The following KLHDC7B variants were observed in gnomAD, a reference collection of about 807,000 sequenced individuals.
The protein encoded by KLHDC7B is kelch domain containing 7B, also known as kelch domain-containing protein 7B.
A neutral mutation model predicts 0.6 loss-of-function variants in KLHDC7B; 1 was observed. That is an observed-to-expected ratio of 1.71 (90% CI 0.61 to 8.11). The LOEUF is 8.11. KLHDC7B is among the 30% of genes most tolerant of loss of function. The pLI, the probability that KLHDC7B is intolerant of heterozygous loss-of-function variation, is 0.13. For synonymous variants in KLHDC7B, 462 were observed against 405.2 expected, an observed-to-expected ratio of 1.14 and a Z score of -1.68; for missense variants, 993 against 894.9, an observed-to-expected ratio of 1.11 and a Z score of -1.40.
chr22:50,548,647 G>C lies in KLHDC7B; in HGVS notation c.2404G>C (p.Glu802Gln). The C allele has an allele frequency of 2.6e-6, 4 of 1,533,320 alleles. No individual in the cohort carries two copies. The highest frequency in any genetic ancestry group is 3.5e-6 in the Non-Finnish European group (4 of 1,139,874). 95.0% of individuals were successfully genotyped at this position (1,533,320 alleles called of 1,614,324 possible). Residue 802 changes from glutamate (E) to glutamine (Q), a missense_variant, in exon 1 of 1, where the codon GAG (glutamate) becomes CAG (glutamine). Glu to Gln is a conservative substitution (Grantham distance 29). Transcript: ENST00000648057. The surrounding 1 kb of genome is among the most constrained non-coding windows in gnomAD (Gnocchi z 5.3). ...SGDPQGEAPG[E>Q]GGSPAGRSGA... Reference sequence around the variant, plus strand: ...GGACCCTCAAGGGGAGGCGCCGGGGGAGGGGGGCAGCCCTGCCGGCCGCAG... The same window carrying C: ...GGACCCTCAAGGGGAGGCGCCGGGGCAGGGGGGCAGCCCTGCCGGCCGCAG...
rs1373321627 is a variant in KLHDC7B at position 50,546,192 on chromosome 22, G to A, written c.-52G>A. On this transcript the variant is annotated 5_prime_UTR_variant, in exon 1 of 1. Transcript: ENST00000648057. ...CCGGTGCCTCAGCCCAGGCCTCTGT[G>A]CTCTGCATGCACTGCCAGCCTGCCA... Among the ~76,000 whole-genome samples, 1 of 152,216 alleles carries A rather than the reference G, an allele frequency of 6.6e-6. No individual in the cohort carries two copies. Among genetic ancestry groups the A allele is most frequent in the Non-Finnish European group, 1.5e-5 (1 of 68,028 alleles).
chr22:50,548,045 C>G lies in KLHDC7B; in HGVS notation c.1802C>G (p.Pro601Arg), dbSNP rs1471747624. 2.0e-6 allele frequency: 2 copies of G among 1,018,382 alleles called. No individual in the cohort carries two copies. Among genetic ancestry groups the G allele is most frequent in the South Asian group, 4.9e-5 (2 of 40,408 alleles). 63.1% of individuals were successfully genotyped at this position (1,018,382 alleles called of 1,614,324 possible). A position where few individuals can be genotyped will look rare whatever the true frequency, so the allele number is the denominator to read the frequency against. Residue 601 changes from proline (P) to arginine (R), a missense_variant, in exon 1 of 1, where the codon CCA (proline) becomes CGA (arginine). By Grantham distance (103) the Pro-to-Arg change is moderately radical. Transcript: ENST00000648057. This position sits in a 1 kb window ranked among gnomAD's most constrained non-coding sequence, Gnocchi z 5.3. ...CCTGCCCCAGCCCCCACCTCAGCCC[C>G]AACCCCAACCCCAGCCGCATCCCCT... ...ASPAPAPTSA[P>R]TPTPAASPAP...
At position 50,547,409 on chromosome 22, in the gene KLHDC7B, T is replaced by C. The variant is rs1203964377; in HGVS notation, c.1166T>C (p.Leu389Pro). ...CGAGATAACAGTCCTGCCGCTGACC[T>C]GGGGCCCACCCGGCCCCCGGAGCAA... ...SSRDNSPAADLGPTRPPEQAK... is the reference protein window; with the variant it reads ...SSRDNSPAADPGPTRPPEQAK... The change falls in exon 1 of 1, where the codon CTG becomes CCG. Residue 389 changes from leucine (L) to proline (P), a missense_variant. Physicochemically the swap from Leu to Pro is moderately conservative, Grantham distance 98 (BLOSUM62 -3). Coordinates refer to ENST00000648057, the MANE Select transcript of KLHDC7B (RefSeq NM_138433.5). 6.6e-6 allele frequency among the ~76,000 whole-genome samples: 1 copy of C among 151,300 alleles called. No homozygotes were observed. The highest frequency in any genetic ancestry group is 1.5e-5 in the Non-Finnish European group (1 of 67,756).
Position 50,548,505 on chromosome 22 carries a change from T to C in KLHDC7B, c.2262T>C (p.Pro754=), listed in dbSNP as rs1193453618. 3 of 1,557,462 alleles carry C rather than the reference T, an allele frequency of 1.9e-6. No individual in the cohort carries two copies. The highest frequency in any genetic ancestry group is 1.9e-5 in the Admixed American group (1 of 51,574). The change falls in exon 1 of 1, where the codon CCT becomes CCC. Residue 754 remains proline, a synonymous_variant. Coordinates refer to ENST00000648057, the MANE Select transcript of KLHDC7B (RefSeq NM_138433.5). This position sits in a 1 kb window ranked among gnomAD's most constrained non-coding sequence, Gnocchi z 5.3. Reference sequence around the variant, plus strand: ...CACAGCCCCCCGCGCAGAGGCCGCCTGGCCCCGCGGCCTCCTCCTCTGCGA... The same window carrying C: ...CACAGCCCCCCGCGCAGAGGCCGCCCGGCCCCGCGGCCTCCTCCTCTGCGA... ...GPAQPPAQRP[P]GPAASSSARR... is the part of the protein sequence containing the mutation.
Position 50,548,034 on chromosome 22 carries a change from CA to C in KLHDC7B, c.-132del. On this transcript the variant is annotated 5_prime_UTR_variant, in exon 1 of 1. Coordinates refer to the KLHDC7B transcript ENST00000395676. This position sits in a 1 kb window ranked among gnomAD's most constrained non-coding sequence, Gnocchi z 5.3. ...CAGCCGCATCCCCTGCCCCAGCCCC[CA>C]CCTCAGCCCCAACCCCAACCCCAGC... 1 of 805,842 alleles carries C rather than the reference CA, an allele frequency of 1.2e-6. No homozygotes were observed. Among genetic ancestry groups the C allele is most frequent in the Non-Finnish European group, 1.7e-6 (1 of 598,644 alleles). The allele number at this position is 805,842 out of a possible 1,614,324, so 49.9% of individuals were successfully genotyped here.
rs1206182015 is a variant in KLHDC7B at position 50,548,540 on chromosome 22, A to G, written c.2297A>G (p.Gln766Arg). The G allele has an allele frequency of 2.6e-6, 4 of 1,552,176 alleles. No homozygotes were observed. The highest frequency in any genetic ancestry group is 3.5e-6 in the Non-Finnish European group (4 of 1,148,818). The change falls in exon 1 of 1, where the codon CAG (glutamine) becomes CGG (arginine). Residue 766 changes from glutamine (Q) to arginine (R), a missense_variant. Physicochemically the swap from Gln to Arg is conservative, Grantham distance 43. Coordinates refer to ENST00000648057, the MANE Select transcript of KLHDC7B (RefSeq NM_138433.5). The surrounding 1 kb of genome is among the most constrained non-coding windows in gnomAD (Gnocchi z 5.3). The stretch of plus-strand genomic sequence containing the variant: ...GCCTCCTCCTCTGCGAGGCGCTCAC[A>G]GCCGGTACCCCAGCTACGGAAACGC... ...PAASSSARRS[Q>R]PVPQLRKRSR...
At position 50,547,520 on chromosome 22, in the gene KLHDC7B, C is replaced by T. The variant is rs2069745101; in HGVS notation, c.1277C>T (p.Pro426Leu). 2 of 398,036 alleles carry T rather than the reference C, an allele frequency of 5.0e-6. No homozygotes were observed. Among genetic ancestry groups the T allele is most frequent in the Non-Finnish European group, 8.9e-6 (2 of 225,788 alleles). The allele number at this position is 398,036 out of a possible 1,614,324, so 24.7% of individuals were successfully genotyped here. ...CGCTCCGCCTCCCCGCCCGCAGCTC[C>T]CGGCCCGGGGTTCCCACCTGAAGCC... is the stretch of plus-strand genomic sequence containing the variant. ...RPRSASPPAA[P>L]GPGFPPEALT... is the part of the protein sequence containing the mutation. The change falls in exon 1 of 1, where the codon CCC (proline) becomes CTC (leucine). Residue 426 changes from proline to leucine, a missense_variant. Physicochemically the swap from Pro to Leu is moderately conservative, Grantham distance 98 (BLOSUM62 -3). Coordinates refer to ENST00000648057, the MANE Select transcript of KLHDC7B (RefSeq NM_138433.5).
chr22:50,549,033 C>T lies in KLHDC7B; in HGVS notation c.2790C>T (p.Pro930=), dbSNP rs1366891045. 5.6e-6 allele frequency: 9 copies of T among 1,596,384 alleles called. No homozygotes were observed. The highest frequency in any genetic ancestry group is 1.7e-5 in the Admixed American group (1 of 59,318). Residue 930 remains proline (P), a synonymous_variant, in exon 1 of 1, where the codon CCC becomes CCT. Transcript: ENST00000648057. The part of the protein sequence containing the change: ...GRAVLGVLVL[P]SLYQGGRSGL... Reference sequence around the variant, plus strand: ...CGGTGCTGGGCGTCCTCGTACTGCCCAGCCTCTACCAGGGGGGCCGCTCAG... The same window carrying T: ...CGGTGCTGGGCGTCCTCGTACTGCCTAGCCTCTACCAGGGGGGCCGCTCAG...
chr22:50,548,923 G>A lies in KLHDC7B; in HGVS notation c.2680G>A (p.Val894Met), dbSNP rs774654778. 26 of 1,596,654 alleles carry A rather than the reference G, an allele frequency of 1.6e-5. No homozygotes were observed. The highest frequency in any genetic ancestry group is 2.1e-5 in the Non-Finnish European group (25 of 1,173,026). ...GCTGATGAGCGACAACCTGCTGCGA[G>A]TGCTGGGAGACCCGTGCCTCTACCG... is the stretch of plus-strand genomic sequence containing the variant. ...YALMSDNLLR[V>M]LGDPCLYRRL... Residue 894 changes from valine (V) to methionine (M), a missense_variant, in exon 1 of 1, where the codon GTG (valine) becomes ATG (methionine). Val to Met is a conservative substitution (Grantham distance 21, BLOSUM62 1). Coordinates refer to ENST00000648057, the MANE Select transcript of KLHDC7B (RefSeq NM_138433.5). The surrounding 1 kb of genome is among the most constrained non-coding windows in gnomAD (Gnocchi z 5.3).
chr22:50,549,819 C>G lies in KLHDC7B; in HGVS notation c.3576C>G (p.Thr1192=). The G allele has an allele frequency of 6.3e-7, 1 of 1,590,078 alleles. No individual in the cohort carries two copies. The highest frequency in any genetic ancestry group is 8.6e-7 in the Non-Finnish European group (1 of 1,168,826). Residue 1192 remains threonine (T), a synonymous_variant, in exon 1 of 1, where the codon ACC becomes ACG. Coordinates refer to ENST00000648057, the MANE Select transcript of KLHDC7B (RefSeq NM_138433.5). ...IYCLNPQVTA[T]FTVSGGTAQF... ...GCCTCAACCCCCAGGTCACTGCCAC[C>G]TTCACGGTCTCTGGGGGGACTGCCC...
Position 50,549,492 on chromosome 22 carries a change from C to G in KLHDC7B, c.3249C>G (p.Ala1083=). The G allele has an allele frequency of 6.2e-7, 1 of 1,612,468 alleles. No individual in the cohort carries two copies. Residue 1083 remains alanine (A), a synonymous_variant, in exon 1 of 1, where the codon GCC becomes GCG. Coordinates refer to ENST00000648057, the MANE Select transcript of KLHDC7B (RefSeq NM_138433.5). The part of the protein sequence containing the change: ...APLPAGTFPV[A]HEAVACRGDI... The stretch of plus-strand genomic sequence containing the variant: ...TCCCCGCAGGCACCTTCCCTGTGGC[C>G]CACGAGGCTGTGGCCTGCCGTGGGG...
chr22:50,547,554 C>G lies in KLHDC7B; in HGVS notation c.1311C>G (p.Leu437=). The change falls in exon 1 of 1, where the codon CTC becomes CTG. Residue 437 remains leucine (L), a synonymous_variant. Transcript: ENST00000648057. ...GPGFPPEALT[L]PSPSDFLPLE... ...GGTTCCCACCTGAAGCCCTGACTCT[C>G]CCCTCTCCTTCAGACTTTTTGCCCC... 1 of 399,402 alleles carries G rather than the reference C, an allele frequency of 2.5e-6. No homozygotes were observed. Among genetic ancestry groups the G allele is most frequent in the Non-Finnish European group, 4.4e-6 (1 of 226,476 alleles). 24.7% of individuals were successfully genotyped at this position (399,402 alleles called of 1,614,324 possible). A position where few individuals can be genotyped will look rare whatever the true frequency, so the allele number is the denominator to read the frequency against.
In KLHDC7B at chr22:50,548,814, G is replaced by T. The variant is rs2069766299; in HGVS notation, c.2571G>T (p.Arg857=). 6 of 1,486,230 alleles carry T rather than the reference G, an allele frequency of 4.0e-6. No individual in the cohort carries two copies. Among genetic ancestry groups the T allele is most frequent in the Non-Finnish European group, 5.3e-6 (6 of 1,123,008 alleles). 92.1% of individuals were successfully genotyped at this position (1,486,230 alleles called of 1,614,324 possible). The change falls in exon 1 of 1, where the codon CGG becomes CGT. Residue 857 remains arginine, a synonymous_variant. Transcript: ENST00000648057. The surrounding 1 kb of genome is among the most constrained non-coding windows in gnomAD (Gnocchi z 5.3). Reference sequence around the variant, plus strand: ...CCGCCACGGCGGCAGCCCTGCGGCGGCGGCTGGACCTGGGCAGTTGCCTGG... The same window carrying T: ...CCGCCACGGCGGCAGCCCTGCGGCGTCGGCTGGACCTGGGCAGTTGCCTGG... ...LEPATAAALR[R]RLDLGSCLDV... is the part of the protein sequence containing the mutation.
In KLHDC7B at chr22:50,547,323, G is replaced by A. The variant is rs998216340; in HGVS notation, c.1080G>A (p.Ser360=). Among the ~76,000 whole-genome samples, 5 of 151,760 alleles carry A rather than the reference G, an allele frequency of 3.3e-5. No homozygotes were observed. The highest frequency in any genetic ancestry group is 6.6e-5 in the Admixed American group (1 of 15,248). Residue 360 remains serine (S), a synonymous_variant, in exon 1 of 1, where the codon TCG becomes TCA. Coordinates refer to ENST00000648057, the MANE Select transcript of KLHDC7B (RefSeq NM_138433.5). The part of the protein sequence containing the change: ...LESPPQGRPL[S]SQGPGATGAY... ...GTCCGCCTCAAGGTCGCCCACTCTCGTCCCAAGGGCCGGGTGCCACAGGGG... is the reference window on the plus strand; with the variant it reads ...GTCCGCCTCAAGGTCGCCCACTCTCATCCCAAGGGCCGGGTGCCACAGGGG...
Position 50,548,499 on chromosome 22 carries a change from G to A in KLHDC7B, c.2256G>A (p.Arg752=), listed in dbSNP as rs758593031. 1.3e-6 allele frequency: 2 copies of A among 1,560,592 alleles called. No homozygotes were observed. The highest frequency in any genetic ancestry group is 3.9e-5 in the Admixed American group (2 of 51,932). ...GCCCCGCACAGCCCCCCGCGCAGAG[G>A]CCGCCTGGCCCCGCGGCCTCCTCCT... ...PRGPAQPPAQ[R]PPGPAASSSA... The change falls in exon 1 of 1, where the codon AGG becomes AGA. Residue 752 remains arginine (R), a synonymous_variant. Transcript: ENST00000648057. This position sits in a 1 kb window ranked among gnomAD's most constrained non-coding sequence, Gnocchi z 5.3.
chr22:50,548,485 C>G lies in KLHDC7B; in HGVS notation c.2242C>G (p.Pro748Ala), dbSNP rs1411110397. Residue 748 changes from proline (P) to alanine (A), a missense_variant, in exon 1 of 1, where the codon CCC becomes GCC. Pro to Ala is a conservative substitution (Grantham distance 27). Transcript: ENST00000648057. The surrounding 1 kb of genome is among the most constrained non-coding windows in gnomAD (Gnocchi z 5.3). Reference sequence around the variant, plus strand: ...CGCGATGCCCAGGGGCCCCGCACAGCCCCCCGCGCAGAGGCCGCCTGGCCC... The same window carrying G: ...CGCGATGCCCAGGGGCCCCGCACAGGCCCCCGCGCAGAGGCCGCCTGGCCC... ...QAAMPRGPAQ[P>A]PAQRPPGPAA... is the part of the protein sequence containing the mutation. 2.5e-6 allele frequency: 4 copies of G among 1,570,606 alleles called. No homozygotes were observed. The East Asian group carries it at 9.3e-5, about 36-fold the overall frequency.
Position 50,548,815 on chromosome 22 carries a change from C to T in KLHDC7B, c.2572C>T (p.Arg858Trp). The change falls in exon 1 of 1, where the codon CGG becomes TGG. Residue 858 changes from arginine to tryptophan, a missense_variant. By Grantham distance (101) the Arg-to-Trp change is moderately radical. Coordinates refer to ENST00000648057, the MANE Select transcript of KLHDC7B (RefSeq NM_138433.5). This position sits in a 1 kb window ranked among gnomAD's most constrained non-coding sequence, Gnocchi z 5.3. ...EPATAAALRR[R>W]LDLGSCLDVL... ...CGCCACGGCGGCAGCCCTGCGGCGG[C>T]GGCTGGACCTGGGCAGTTGCCTGGA... is the stretch of plus-strand genomic sequence containing the variant. The T allele has an allele frequency of 6.7e-7, 1 of 1,486,918 alleles. No homozygotes were observed. Among genetic ancestry groups the T allele is most frequent in the Non-Finnish European group, 8.9e-7 (1 of 1,123,112 alleles). The allele number at this position is 1,486,918 out of a possible 1,614,324, so 92.1% of individuals were successfully genotyped here.
In KLHDC7B at chr22:50,549,586, G is replaced by A. The variant is rs2069781189; in HGVS notation, c.3343G>A (p.Asp1115Asn). The change falls in exon 1 of 1, where the codon GAC (aspartate) becomes AAC (asparagine). Residue 1115 changes from aspartate to asparagine, a missense_variant. Asp to Asn is a conservative substitution (Grantham distance 23). Transcript: ENST00000648057. ...GTACAGCCCCGTGAAGGATGCTTGG[G>A]ACGAGTGCCCATACAGTGCCAGCCA... ...LRYSPVKDAW[D>N]ECPYSASHRR... 6.4e-7 allele frequency: 1 copy of A among 1,573,094 alleles called. No homozygotes were observed. Among genetic ancestry groups the A allele is most frequent in the Non-Finnish European group, 8.7e-7 (1 of 1,155,754 alleles).
chr22:50,550,687 T>G lies in KLHDC7B; in HGVS notation c.*736T>G, dbSNP rs1159620935. The stretch of plus-strand genomic sequence containing the variant: ...AAATGAGGCCTGAGCGTCACCCTAG[T>G]TCTGCCCCTTTTTAGCTGTGTAGAC... On this transcript the variant is annotated 3_prime_UTR_variant, in exon 1 of 1. Coordinates refer to ENST00000648057, the MANE Select transcript of KLHDC7B (RefSeq NM_138433.5). The G allele has an allele frequency of 6.0e-6, 1 of 166,834 alleles. No individual in the cohort carries two copies. The highest frequency in any genetic ancestry group is 1.4e-5 in the Non-Finnish European group (1 of 69,048). The allele number at this position is 166,834 out of a possible 1,614,324, so 10.3% of individuals were successfully genotyped here. A position where few individuals can be genotyped will look rare whatever the true frequency, so the allele number is the denominator to read the frequency against.
Sources: gnomAD v4.1 joint callset for allele counts (sites outside exome capture counted in the v4.1 genomes callset) on GRCh38, gnomAD v4.1.1 for gene constraint, Gnocchi (gnomAD v3.1) non-coding constraint, MANE v1.5 for transcripts, NCBI Gene and HGNC (gene_info 2026-07-23, HGNC 2026-07-21) for gene names.